The following MKX variants were observed in gnomAD, a reference collection of about 807,000 sequenced individuals.
MKX encodes the protein mohawk homeobox.
Under a neutral mutation model 36.0 loss-of-function variants are expected in MKX, and 13 were observed. The observed-to-expected ratio is 0.36, with a 90% CI of 0.24 to 0.57. The LOEUF (loss-of-function observed/expected upper bound fraction) is 0.57, where lower values mean the gene tolerates loss of function less well. MKX is among the 20% of genes least tolerant of loss of function. The probability of loss-of-function intolerance (pLI) is 0.79; values close to 1 mark genes in which losing one functional copy is unlikely to be tolerated. For synonymous variants in MKX, 176 were observed against 178.3 expected (o/e 0.99, Z 0.10); for missense variants, 458 against 456.4 (o/e 1.00, Z -0.03).
chr10:27,713,587 C>T (rs769945558), intron 5 of MKX, among the ~76,000 whole-genome samples: 21 of 152,272 alleles, frequency 1.4e-4, no homozygotes, highest in Middle Eastern at 6.8e-3. Context: ...GAGATGATCA[C>T]TCCCTCCCAC....
intron 5 of MKX, among the ~76,000 whole-genome samples, chr10:27,697,405 A>G (rs1836575047): frequency 6.6e-6 from 1 of 152,204 alleles, no homozygotes; most frequent in African/African-American, 2.4e-5. Flanking sequence ...TGTGATGATA[A>G]TAACAGTATT....
rs1836085218 is a variant in MKX, at chr10:27,673,408, A to AT, written c.*1820dup. Reference sequence around the variant, plus strand: ...AACATATTTAATACCAGAATAACTTATAATAGTATGAAAAAGAGTGAAGTA... The same window carrying AT: ...AACATATTTAATACCAGAATAACTTATTAATAGTATGAAAAAGAGTGAAGTA... On this transcript the variant is annotated 3_prime_UTR_variant, in exon 7 of 7. Transcript: ENST00000419761. 6.6e-6 allele frequency: 1 copy of AT among 152,612 alleles called. No homozygotes were observed. The allele number at this position is 152,612 out of a possible 1,614,324, so 9.5% of individuals were successfully genotyped here. A position where few individuals can be genotyped will look rare whatever the true frequency, so the allele number is the denominator to read the frequency against.
chr10:27,675,800 G>A (rs1376350243), intron 5 of MKX, among the ~76,000 whole-genome samples: 3 of 152,198 alleles, frequency 2.0e-5, no homozygotes, highest in African/African-American at 7.2e-5. Context: ...AAAATCTGAA[G>A]TTATTTACTC....
At chr10:27,685,406 G>A (rs1836324033) in intron 5 of MKX, among the ~76,000 whole-genome samples, 1 of 150,722 alleles carries the variant, frequency 6.6e-6, no homozygotes, top group South Asian at 2.1e-4. Flanking sequence ...ATTCAAGTAA[G>A]TTGTCTTGAG....
intron 5 of MKX, among the ~76,000 whole-genome samples, chr10:27,707,126 T>C (rs1400145008): frequency 6.8e-6 from 1 of 147,834 alleles, no homozygotes; most frequent in Admixed American, 6.7e-5. Flanking sequence ...GATGCTAAAC[T>C]GTCAGGTGAC....
intron 5 of MKX, among the ~76,000 whole-genome samples, chr10:27,719,467 T>C (rs568614728): frequency 4.5e-4 from 69 of 152,226 alleles, no homozygotes; most frequent in African/African-American, 1.6e-3. Context: ...AACCGCAGCA[T>C]AAAGCTGCTA....
At chr10:27,722,630 G>C (rs2132617243) in intron 5 of MKX, among the ~76,000 whole-genome samples, 1 of 152,236 alleles carries the variant, frequency 6.6e-6, no homozygotes. Flanking sequence ...AGCTTCCTGT[G>C]GTCTCATCTA....
At chr10:27,709,898 AG>A (rs917568509) in intron 5 of MKX, among the ~76,000 whole-genome samples, 2 of 152,238 alleles carry the variant, frequency 1.3e-5, no homozygotes, top group African/African-American at 4.8e-5. Context: ...AGAAAGAAAA[AG>A]TGAAAGTATT....
chr10:27,688,739 T>C (rs1836401774), intron 5 of MKX, among the ~76,000 whole-genome samples: 1 of 152,236 alleles, frequency 6.6e-6, no homozygotes, highest in African/African-American at 2.4e-5. Context: ...TAGTGCTTCT[T>C]AGCTAAATCT....
At chr10:27,677,497 A>G (rs1371515257) in intron 5 of MKX, among the ~76,000 whole-genome samples, 2 of 152,228 alleles carry the variant, frequency 1.3e-5, no homozygotes, top group East Asian at 1.9e-4. Context: ...AGGAAGAGAT[A>G]GTCAAGAGAA....
chr10:27,712,814 G>C (rs1054103448), intron 5 of MKX, among the ~76,000 whole-genome samples: 1 of 152,152 alleles, frequency 6.6e-6, no homozygotes, highest in African/African-American at 2.4e-5. Flanking sequence ...GTGAGTGCCT[G>C]TGGTCCTAGC....
intron 5 of MKX, among the ~76,000 whole-genome samples, chr10:27,677,494 G>A (rs1836175597): frequency 6.6e-6 from 1 of 152,184 alleles, no homozygotes; most frequent in Non-Finnish European, 1.5e-5. Context: ...CCCAGGAAGA[G>A]ATAGTCAAGA....
rs7906616 is a variant in MKX at position 27,680,383 on chromosome 10, A to G, written c.839-4829T>C. The stretch of plus-strand genomic sequence containing the variant: ...GAAAAGAAAAGAAAAAAAAAAAAAA[A>G]AGGTGTGTAGTTAGGAAAATCTTGG... On this transcript the variant is annotated intron_variant, in intron 5 of 6. Transcript: ENST00000419761. Among the ~76,000 whole-genome samples, 267 of 143,108 alleles carry G rather than the reference A, an allele frequency of 1.9e-3. 1 individual carries two copies. The highest frequency in any genetic ancestry group is 3.9e-3 in the African/African-American group (152 of 38,864). The allele number at this position is 143,108 out of a possible 152,430, so 93.9% of individuals were successfully genotyped here.
chr10:27,723,313 C>T (rs188643289), intron 5 of MKX, among the ~76,000 whole-genome samples: 1 of 151,952 alleles, frequency 6.6e-6, no homozygotes, highest in Admixed American at 6.6e-5. Flanking sequence ...CAGGAGACAC[C>T]GTCAAAACTA....
At chr10:27,708,498 G>A (rs181251692) in intron 5 of MKX, among the ~76,000 whole-genome samples, 2 of 152,282 alleles carry the variant, frequency 1.3e-5, no homozygotes, top group South Asian at 2.1e-4. Flanking sequence ...TTGGGAGGCC[G>A]AGGTGGGCAG....
At chr10:27,711,449 TTC>T (rs1564356831) in intron 5 of MKX, among the ~76,000 whole-genome samples, 1 of 8,564 alleles carries the variant, frequency 1.2e-4, no homozygotes, top group Non-Finnish European at 3.1e-4. Flanking sequence ...CTTTCTTTCT[TTC>T]TTTCTTTCTT....
At chr10:27,707,033 A>ATAT (rs1218679082) in intron 5 of MKX, among the ~76,000 whole-genome samples, 3 of 152,212 alleles carry the variant, frequency 2.0e-5, no homozygotes, top group African/African-American at 7.2e-5. Flanking sequence ...AGAAGAAAGG[A>ATAT]TTCTCAATGA....
intron 3 of MKX, among the ~76,000 whole-genome samples, chr10:27,738,789 C>T (rs914726260): frequency 4.6e-5 from 7 of 152,086 alleles, no homozygotes; most frequent in African/African-American, 1.7e-4. Flanking sequence ...AAACTGGCAT[C>T]TGTCCATGTT....
intron 2 of MKX, 113 bp downstream of exon 2, chr10:27,743,115 C>T: frequency 1.9e-6 from 2 of 1,073,034 alleles, no homozygotes; most frequent in East Asian, 3.2e-5. Flanking sequence ...TCCCAGGGAA[C>T]TCCGGGCCCT....
Sources: gnomAD v4.1 joint callset for allele counts (sites outside exome capture counted in the v4.1 genomes callset) on GRCh38, gnomAD v4.1.1 for gene constraint, MANE v1.5 for transcripts, NCBI Gene and HGNC (gene_info 2026-07-23, HGNC 2026-07-21) for gene names.